ASCC3: variants seen among roughly 807,000 people sequenced by gnomAD.
ASCC3 encodes activating signal cointegrator 1 complex subunit 3.
Under a neutral mutation model 256.3 loss-of-function variants are expected in ASCC3, and 158 were observed. The ratio of observed to expected loss-of-function variants is 0.62; its 90% CI spans 0.54 to 0.70. The LOEUF (loss-of-function observed/expected upper bound fraction) is 0.70, where lower values mean the gene tolerates loss of function less well. ASCC3 is among the 30% of genes least tolerant of loss of function. The pLI, the probability that ASCC3 is intolerant of heterozygous loss-of-function variation, is 0.00. For synonymous variants in ASCC3, 948 were observed against 883.4 expected, an observed-to-expected ratio of 1.07 and a Z score of -1.30; for missense variants, 2,259 against 2,626.0, an observed-to-expected ratio of 0.86 and a Z score of 3.05.
At chr6:100,781,462 C>T (rs568110854) in intron 8 of ASCC3, among the ~76,000 whole-genome samples, 24 of 152,018 alleles carry the variant, frequency 1.6e-4, no homozygotes, top group Middle Eastern at 3.4e-3. Context: ...TGGCTCACTG[C>T]GCCCTCCGCC....
At chr6:100,557,601 T>A (rs1769671003) in intron 36 of ASCC3, among the ~76,000 whole-genome samples, 1 of 151,746 alleles carries the variant, frequency 6.6e-6, no homozygotes, top group South Asian at 2.1e-4. Flanking sequence ...CTTTTACAGT[T>A]GCTGTTTACC....
intron 14 of ASCC3, among the ~76,000 whole-genome samples, chr6:100,668,457 A>G (rs762578363): frequency 1.3e-5 from 2 of 152,046 alleles, no homozygotes; most frequent in Non-Finnish European, 2.9e-5. Flanking sequence ...AAAAATAATG[A>G]AAGAAAATTT....
At chr6:100,682,040 A>C (rs977237823) in intron 13 of ASCC3, among the ~76,000 whole-genome samples, 38 of 152,158 alleles carry the variant, frequency 2.5e-4, no homozygotes, top group African/African-American at 9.2e-4. Flanking sequence ...GAATTTGTCC[A>C]GTTCTATCAT....
chr6:100,626,054 T>A (rs1774216822), intron 29 of ASCC3, among the ~76,000 whole-genome samples: 2 of 151,924 alleles, frequency 1.3e-5, no homozygotes, highest in South Asian at 4.2e-4. Flanking sequence ...CAAACCAGAG[T>A]AACAAGACTG....
intron 14 of ASCC3, among the ~76,000 whole-genome samples, chr6:100,675,472 A>G (rs1185024060): frequency 6.6e-6 from 1 of 152,218 alleles, no homozygotes; most frequent in Non-Finnish European, 1.5e-5. Flanking sequence ...AAGCTGTAAT[A>G]GTAAGCATCA....
At chr6:100,855,832 CACA>C (rs1376601668) in intron 3 of ASCC3, among the ~76,000 whole-genome samples, 1 of 152,188 alleles carries the variant, frequency 6.6e-6, no homozygotes, top group East Asian at 1.9e-4. Context: ...TACTTAACAT[CACA>C]ACAACTACAG....
At chr6:100,866,999 A>G (rs569990108) in intron 2 of ASCC3, among the ~76,000 whole-genome samples, 1 of 152,302 alleles carries the variant, frequency 6.6e-6, no homozygotes, top group African/African-American at 2.4e-5. Context: ...TTGTAACTGC[A>G]TATGTAATTT....
chr6:100,568,752 A>AATTATTATTATTATTATT (rs111974347), intron 36 of ASCC3, among the ~76,000 whole-genome samples: 1 of 139,634 alleles, frequency 7.2e-6, no homozygotes, highest in African/African-American at 2.7e-5. Flanking sequence ...CTTAGTCATA[A>AATTATTATTATTATTATT]ATTATTATTA....
intron 34 of ASCC3, among the ~76,000 whole-genome samples, chr6:100,594,054 G>A (rs1389191145): frequency 6.6e-6 from 1 of 151,936 alleles, no homozygotes; most frequent in Non-Finnish European, 1.5e-5. Context: ...TAGACATATA[G>A]TGACCAACTC....
chr6:100,817,012 T>C (rs1252107750), intron 4 of ASCC3, among the ~76,000 whole-genome samples: 1 of 151,950 alleles, frequency 6.6e-6, no homozygotes, highest in Non-Finnish European at 1.5e-5. Context: ...ATAGAACACC[T>C]ATCCATCAAA....
rs201172822 is a variant in ASCC3 at position 100,813,470 on chromosome 6, C to CAA, written c.802-7592_802-7591dup. ...GAAACTCCATCTCAAAAAACAACAACAACAAAAAAAAAACACAAAAAACCT... is the reference window on the plus strand; with the variant it reads ...GAAACTCCATCTCAAAAAACAACAACAAAACAAAAAAAAAACACAAAAAACCT... On this transcript the variant is annotated intron_variant, in intron 4 of 41. Coordinates refer to ENST00000369162, the MANE Select transcript of ASCC3 (RefSeq NM_006828.4). Among the ~76,000 whole-genome samples the CAA allele has an allele frequency of 1.9e-4, 28 of 150,030 alleles. No homozygotes were observed. The East Asian group carries it at 4.0e-3, about 21-fold the overall frequency.
At chr6:100,809,944 T>C (rs1472947435) in intron 4 of ASCC3, among the ~76,000 whole-genome samples, 2 of 152,116 alleles carry the variant, frequency 1.3e-5, no homozygotes, top group African/African-American at 4.8e-5. Flanking sequence ...CATTATGTCA[T>C]ATGCCCTGGT....
chr6:100,783,329 G>A (rs1782533294), intron 8 of ASCC3, among the ~76,000 whole-genome samples: 3 of 152,156 alleles, frequency 2.0e-5, no homozygotes, highest in South Asian at 2.1e-4. Flanking sequence ...AAAACAGCAA[G>A]TGTTCTTTCT....
chr6:100,817,793 C>A (rs942128869), intron 4 of ASCC3, among the ~76,000 whole-genome samples: 2 of 152,082 alleles, frequency 1.3e-5, no homozygotes, highest in African/African-American at 4.8e-5. Flanking sequence ...AAACGACCCA[C>A]AAAGGCCAGG....
At chr6:100,641,697 A>G (rs112458129) in intron 24 of ASCC3, among the ~76,000 whole-genome samples, 121 of 152,328 alleles carry the variant, frequency 7.9e-4, no homozygotes, top group African/African-American at 2.8e-3. Context: ...TCATGCTGCT[A>G]TAAGGACACA....
intron 37 of ASCC3, among the ~76,000 whole-genome samples, chr6:100,522,590 CAG>C (rs1444430572): frequency 6.6e-6 from 1 of 151,528 alleles, no homozygotes; most frequent in Non-Finnish European, 1.5e-5. Flanking sequence ...ACGCATGGAG[CAG>C]AGACAGGGGA....
At chr6:100,525,156 C>CATAAAAAAAAAAAAAAAAAAA (rs1774508080) in intron 37 of ASCC3, among the ~76,000 whole-genome samples, 1 of 44,950 alleles carries the variant, frequency 2.2e-5, no homozygotes, top group Non-Finnish European at 3.9e-5. Context: ...GACCCTGTCT[C>CATAAAAAAAAAAAAAAAAAAA]AAAAAAAAAA....
chr6:100,589,765 T>A lies in ASCC3; in HGVS notation c.5419A>T (p.Asn1807Tyr), dbSNP rs770053291. ...TAAGTTAGAGGTTCAATGCTGCGAT[T>A]ATCCTATTTCAAAAGAATAACAAAT... ...LSYCIEIGED[N>Y]RSIEPLTYGR... is the part of the protein sequence containing the mutation. Residue 1807 changes from asparagine (N) to tyrosine (Y), a missense_variant, in exon 36 of 42, where the codon AAT (asparagine) becomes TAT (tyrosine). Physicochemically the swap from Asn to Tyr is moderately radical, Grantham distance 143. Around this residue, in one of 2 missense-constraint regions of ASCC3, gnomAD observed 1,839 missense variants for 2,206.7 expected, o/e 0.83. Coordinates refer to ENST00000369162, the MANE Select transcript of ASCC3 (RefSeq NM_006828.4). 1.9e-6 allele frequency: 3 copies of A among 1,613,700 alleles called. No individual in the cohort carries two copies. In the South Asian group the frequency reaches 3.3e-5, roughly 18 times the overall value.
At chr6:100,741,198 G>A (rs1780417668) in intron 10 of ASCC3, among the ~76,000 whole-genome samples, 1 of 152,122 alleles carries the variant, frequency 6.6e-6, no homozygotes, top group African/African-American at 2.4e-5. Context: ...TAATAATGTT[G>A]CATACTGGTG....
Sources: allele counts gnomAD v4.1 joint callset (sites outside exome capture counted in the v4.1 genomes callset), GRCh38; gene constraint gnomAD v4.1.1; regional missense constraint gnomAD v4.1.1; transcripts MANE v1.5; gene names NCBI Gene and HGNC (gene_info 2026-07-23, HGNC 2026-07-21).